Variants in SYNE1 observed in about 807,000 individuals in gnomAD.
SYNE1 encodes the protein spectrin repeat containing nuclear envelope protein 1.
Under a neutral mutation model 1,111.0 loss-of-function variants are expected in SYNE1, and 616 were observed. The observed-to-expected ratio is 0.55, with a 90% CI of 0.52 to 0.59. The LOEUF is 0.59. Among genes scored for constraint, SYNE1 ranks in the 20% least tolerant of loss-of-function variants. The probability of loss-of-function intolerance (pLI) is 0.00; values close to 1 mark genes in which losing one functional copy is unlikely to be tolerated. For synonymous variants in SYNE1, 3,855 were observed against 3,825.8 expected (o/e 1.01, Z -0.28); for missense variants, 10,006 against 10,417.0 (o/e 0.96, Z 1.72).
At chr6:152,127,784 C>T (rs1427337968) in intron 145 of SYNE1, 1 of 152,168 alleles carries the variant, frequency 6.6e-6, no homozygotes, top group African/African-American at 2.4e-5. Flanking sequence ...ACAAATTCTA[C>T]AAGAAACTGA....
intron 123 of SYNE1, among the ~76,000 whole-genome samples, chr6:152,212,316 T>G (rs2077671994): frequency 1.3e-5 from 2 of 152,148 alleles, no homozygotes; most frequent in South Asian, 2.1e-4. Flanking sequence ...CAACCACTCA[T>G]CTATTTTATG....
intron 19 of SYNE1, 51 bp from the exon 20 acceptor site, chr6:152,462,941 C>CACA: frequency 6.3e-7 from 1 of 1,599,656 alleles, no homozygotes; most frequent in Middle Eastern, 1.7e-4. Context: ...TAGCTGCGAC[C>CACA]ACTGGAACCA....
At chr6:152,225,004 G>A (rs1040512458) in intron 116 of SYNE1, among the ~76,000 whole-genome samples, 1 of 146,030 alleles carries the variant, frequency 6.8e-6, no homozygotes, top group Non-Finnish European at 1.5e-5. Flanking sequence ...AGTTATAAGA[G>A]GTTGATACTT....
chr6:152,492,421 T>G (rs1191397749), intron 11 of SYNE1, among the ~76,000 whole-genome samples: 1 of 152,144 alleles, frequency 6.6e-6, no homozygotes, highest in African/African-American at 2.4e-5. Flanking sequence ...CACAAGAACT[T>G]CAAAATACCT....
At chr6:152,362,137 G>A (rs777984386) in intron 64 of SYNE1, 33 bp downstream of exon 64, 13 of 1,614,012 alleles carry the variant, frequency 8.1e-6, no homozygotes. Context: ...AAGCCTGTGA[G>A]AAAACACATG....
At chr6:152,454,156 AT>A (rs2098675773) in intron 24 of SYNE1, among the ~76,000 whole-genome samples, 1 of 148,210 alleles carries the variant, frequency 6.7e-6, no homozygotes, top group African/African-American at 2.7e-5. Context: ...ATCATGAGCC[AT>A]TGTCACATTC....
intron 3 of SYNE1, among the ~76,000 whole-genome samples, chr6:152,621,846 A>C (rs2099676194): frequency 6.6e-6 from 1 of 152,186 alleles, no homozygotes; most frequent in Admixed American, 6.5e-5. Context: ...AACAACAAAC[A>C]CATCACTCAT....
chr6:152,224,718 A>G, intron 116 of SYNE1, 54 bp from the exon 117 acceptor site: 7 of 1,542,548 alleles, frequency 4.5e-6, no homozygotes, highest in Non-Finnish European at 6.3e-6. Flanking sequence ...GAATGATGGA[A>G]TATATATTCA....
chr6:152,164,172 A>T lies in SYNE1; in HGVS notation c.23781T>A (p.Asn7927Lys), dbSNP rs1172774290. The change falls in exon 131 of 146, where the codon AAT becomes AAA. Residue 7927 changes from asparagine (N) to lysine (K), a missense_variant. Physicochemically the swap from Asn to Lys is moderately conservative, Grantham distance 94. Coordinates refer to ENST00000367255, the MANE Select transcript of SYNE1 (RefSeq NM_182961.4). ...CCATTTTAAGTCTTACCTGCTGCTC[A>T]TTAAGCTTTCTCTGTATTTCTTCCG... ...CNSEEIQRKL[N>K]EQQELQRDIE... 6.2e-7 allele frequency: 1 copy of T among 1,614,136 alleles called. No homozygotes were observed. Among genetic ancestry groups the T allele is most frequent in the Non-Finnish European group, 8.5e-7 (1 of 1,180,014 alleles).
intron 128 of SYNE1, 95 bp from the exon 129 acceptor site, chr6:152,180,389 T>C (rs2067657477): frequency 1.7e-6 from 2 of 1,194,566 alleles, no homozygotes; most frequent in Non-Finnish European, 2.4e-6. Flanking sequence ...CTAAAATGAA[T>C]GATAGTCATA....
intron 100 of SYNE1, among the ~76,000 whole-genome samples, chr6:152,267,374 T>C (rs2092811082): frequency 6.6e-6 from 1 of 152,222 alleles, no homozygotes; most frequent in African/African-American, 2.4e-5. Flanking sequence ...CATTCATAAT[T>C]ATCACAAAAC....
chr6:152,356,560 C>T (rs1053966261), intron 66 of SYNE1, among the ~76,000 whole-genome samples: 1 of 147,660 alleles, frequency 6.8e-6, no homozygotes, highest in Non-Finnish European at 1.5e-5. Flanking sequence ...AATATATAAA[C>T]TATATATATG....
At chr6:152,375,032 C>T (rs1400096376) in intron 58 of SYNE1, among the ~76,000 whole-genome samples, 1 of 151,860 alleles carries the variant, frequency 6.6e-6, no homozygotes, top group Non-Finnish European at 1.5e-5. Flanking sequence ...TCTCTGCCTC[C>T]TGGGTTCAGG....
At chr6:152,488,557 G>T in intron 11 of SYNE1, 54 bp from the exon 12 acceptor site, 2 of 951,448 alleles carry the variant, frequency 2.1e-6, no homozygotes, top group Non-Finnish European at 3.4e-6. Context: ...TTATTTAATT[G>T]CTGATTAATA....
intron 6 of SYNE1, among the ~76,000 whole-genome samples, chr6:152,518,230 C>G (rs923530141): frequency 2.0e-5 from 3 of 150,010 alleles, no homozygotes; most frequent in Non-Finnish European, 4.4e-5. Context: ...GATGTGTATA[C>G]TAGGTGATAT....
rs2055270750 is a variant in SYNE1 at position 152,130,590 on chromosome 6, G to A, written c.26153+130C>T. The A allele has an allele frequency of 4.7e-6, 4 of 855,450 alleles. No homozygotes were observed. The Admixed American group carries it at 5.9e-5, about 13-fold the overall frequency. 53.0% of individuals were successfully genotyped at this position (855,450 alleles called of 1,614,324 possible). A position where few individuals can be genotyped will look rare whatever the true frequency, so the allele number is the denominator to read the frequency against. On this transcript the variant is annotated intron_variant, in intron 145 of 145. Transcript: ENST00000367255. Reference sequence around the variant, plus strand: ...TTCTCTTCCAATGTATGAGGAAAGGGTGTGGACTGAAATGAGTAATTTCCC... The same window carrying A: ...TTCTCTTCCAATGTATGAGGAAAGGATGTGGACTGAAATGAGTAATTTCCC...
chr6:152,417,126 A>G (rs540949883), intron 40 of SYNE1, 111 bp from the exon 41 acceptor site: 1 of 1,474,120 alleles, frequency 6.8e-7, no homozygotes, highest in Non-Finnish European at 9.3e-7. Context: ...TGGATAGTAT[A>G]GTACTTAAAG....
At chr6:152,410,978 T>A (rs571501913) in intron 42 of SYNE1, among the ~76,000 whole-genome samples, 1 of 152,222 alleles carries the variant, frequency 6.6e-6, no homozygotes, top group South Asian at 2.1e-4. Context: ...TGTAGGATAA[T>A]GTTTAATAAT....
At chr6:152,276,758 A>G (rs1310554438) in intron 98 of SYNE1, among the ~76,000 whole-genome samples, 1 of 152,144 alleles carries the variant, frequency 6.6e-6, no homozygotes, top group African/African-American at 2.4e-5. Context: ...GGATTAGGCC[A>G]CAAGAAGGAG....
Sources: gnomAD v4.1 joint callset for allele counts (sites outside exome capture counted in the v4.1 genomes callset) on GRCh38, gnomAD v4.1.1 for gene constraint, MANE v1.5 for transcripts, NCBI Gene and HGNC (gene_info 2026-07-23, HGNC 2026-07-21) for gene names.